SLC20A2: variants seen among roughly 807,000 people sequenced by gnomAD.
The protein encoded by SLC20A2 is solute carrier family 20 member 2.
In SLC20A2, 30 loss-of-function variants were observed where a neutral mutation model predicts 61.0. The ratio of observed to expected loss-of-function variants is 0.49; its 90% CI spans 0.37 to 0.67. The LOEUF is 0.67. Ranked by LOEUF, SLC20A2 falls within the 30% of genes least tolerant of loss-of-function variation. The pLI is 0.00. For synonymous variants in SLC20A2, 351 were observed against 353.3 expected, an observed-to-expected ratio of 0.99 and a Z score of 0.07; for missense variants, 626 against 866.4, an observed-to-expected ratio of 0.72 and a Z score of 3.48.
intron 10 of SLC20A2, among the ~76,000 whole-genome samples, chr8:42,419,407 TAAAAATAAA>T (rs1223304052): frequency 6.6e-6 from 1 of 151,860 alleles, no homozygotes; most frequent in Non-Finnish European, 1.5e-5. Context: ...CTGTCTCTAC[TAAAAATAAA>T]AAAAATTAGC....
intron 1 of SLC20A2, among the ~76,000 whole-genome samples, chr8:42,477,903 T>C (rs1361433213): frequency 6.6e-6 from 1 of 151,926 alleles, no homozygotes; most frequent in East Asian, 1.9e-4. Context: ...CTTTTTTTTT[T>C]TGAGACGGAG....
chr8:42,479,306 G>A (rs1808387098), intron 1 of SLC20A2, among the ~76,000 whole-genome samples: 1 of 152,140 alleles, frequency 6.6e-6, no homozygotes, highest in Non-Finnish European at 1.5e-5. Context: ...GCACTTCATA[G>A]ACCAAGAGCT....
intron 1 of SLC20A2, among the ~76,000 whole-genome samples, chr8:42,537,307 C>T (rs1335885814): frequency 4.2e-5 from 6 of 143,060 alleles, no homozygotes; most frequent in Admixed American, 7.4e-5. Flanking sequence ...TTGCTTGAGG[C>T]AGAGGCTGCA....
intron 1 of SLC20A2, among the ~76,000 whole-genome samples, chr8:42,476,077 A>C (rs1049430085): frequency 2.8e-4 from 30 of 108,582 alleles, no homozygotes; most frequent in African/African-American, 1.0e-3. Flanking sequence ...AGCCGGGTTT[A>C]CTGTGTCTTT....
At chr8:42,468,380 C>T (rs866026598) in intron 2 of SLC20A2, among the ~76,000 whole-genome samples, 1 of 151,746 alleles carries the variant, frequency 6.6e-6, no homozygotes, top group Non-Finnish European at 1.5e-5. Context: ...AATGGGACCA[C>T]CTGAGAGAGG....
chr8:42,432,387 G>C (rs1803935951), intron 8 of SLC20A2, among the ~76,000 whole-genome samples: 4 of 152,196 alleles, frequency 2.6e-5, no homozygotes. Context: ...AGATGAGGAG[G>C]TGCTTCTTAT....
chr8:42,440,008 C>G (rs1342226021), intron 6 of SLC20A2, among the ~76,000 whole-genome samples: 3 of 151,848 alleles, frequency 2.0e-5, no homozygotes, highest in South Asian at 4.1e-4. Flanking sequence ...TCTCTTAAAC[C>G]CAGGAGGCAG....
At chr8:42,491,140 C>CT (rs1809478651) in intron 1 of SLC20A2, among the ~76,000 whole-genome samples, 1 of 152,238 alleles carries the variant, frequency 6.6e-6, no homozygotes. Context: ...TGGCTCACGC[C>CT]TGTAATCCCA....
At chr8:42,479,527 T>G (rs531311683) in intron 1 of SLC20A2, among the ~76,000 whole-genome samples, 2 of 152,194 alleles carry the variant, frequency 1.3e-5, no homozygotes, top group Middle Eastern at 6.8e-3. Flanking sequence ...GTTATCTTCT[T>G]ATTGAAATGG....
chr8:42,449,398 A>G (rs1393110386), intron 5 of SLC20A2, among the ~76,000 whole-genome samples: 2 of 152,252 alleles, frequency 1.3e-5, no homozygotes, highest in African/African-American at 4.8e-5. Flanking sequence ...TTACAATTCT[A>G]TTCCAAATTC....
intron 1 of SLC20A2, among the ~76,000 whole-genome samples, chr8:42,519,736 T>C (rs16891354): frequency 0.15 from 22,571 of 152,220 alleles, 1,887 homozygotes; most frequent in South Asian, 0.23. Flanking sequence ...CTGGAATGTC[T>C]TTATGTTGGC....
At chr8:42,517,384 A>G (rs1007326357) in intron 1 of SLC20A2, among the ~76,000 whole-genome samples, 1 of 147,300 alleles carries the variant, frequency 6.8e-6, no homozygotes, top group Admixed American at 6.8e-5. Context: ...AAAAAAAACA[A>G]TAATAAAATA....
chr8:42,437,398 C>A lies in SLC20A2; in HGVS notation c.1114G>T (p.Ala372Ser). ...AGCAGCCGGTAGTTGCTTTCCTGGG[C>A]TGGCTTCTCCTCGGGGCCCCTGTCG... Reference protein sequence around the residue: ...HIDRGPEEKPAQESNYRLLRR... With the variant: ...HIDRGPEEKPSQESNYRLLRR... The change falls in exon 8 of 11, where the codon GCC (alanine) becomes TCC (serine). Residue 372 changes from alanine (A) to serine (S), a missense_variant. Ala to Ser is a moderately conservative substitution (Grantham distance 99, BLOSUM62 1). Coordinates refer to ENST00000520262, the MANE Select transcript of SLC20A2 (RefSeq NM_001257180.2). This position sits in a 1 kb window ranked among gnomAD's most constrained non-coding sequence, Gnocchi z 6.4. The A allele has an allele frequency of 6.2e-7, 1 of 1,614,170 alleles. No homozygotes were observed. The highest frequency in any genetic ancestry group is 8.5e-7 in the Non-Finnish European group (1 of 1,180,024).
chr8:42,431,221 T>C (rs1188522234), intron 8 of SLC20A2, among the ~76,000 whole-genome samples: 1 of 152,186 alleles, frequency 6.6e-6, no homozygotes, highest in East Asian at 1.9e-4. Flanking sequence ...TTGAAGGAAA[T>C]TTAAAGTGCT....
intron 8 of SLC20A2, among the ~76,000 whole-genome samples, chr8:42,436,693 A>G (rs371141068): frequency 2.0e-5 from 3 of 152,042 alleles, no homozygotes; most frequent in African/African-American, 7.2e-5. Flanking sequence ...CGTCCTGCTG[A>G]CGCCACGTGG....
At chr8:42,477,464 CTTTTTTTTTTT>C (rs56302974) in intron 1 of SLC20A2, among the ~76,000 whole-genome samples, 2 of 50,286 alleles carry the variant, frequency 4.0e-5, no homozygotes, top group Non-Finnish European at 7.4e-5. Context: ...GGGACAGGGA[CTTTTTTTTTTT>C]TTTTTTTTTT....
At position 42,534,681 on chromosome 8, in the gene SLC20A2, T is replaced by C. The variant is rs201275807; in HGVS notation, c.-265+7140A>G. On this transcript the variant is annotated intron_variant, in intron 1 of 10. Coordinates refer to the SLC20A2 transcript ENST00000342228. Reference sequence around the variant, plus strand: ...GTGCCAAAAATTATTTTTAAAAACGTAGGCATATACAGAGGCTGGGAGTAG... The same window carrying C: ...GTGCCAAAAATTATTTTTAAAAACGCAGGCATATACAGAGGCTGGGAGTAG... 2.6e-5 allele frequency: 4 copies of C among 152,318 alleles called. No homozygotes were observed. The East Asian group carries it at 5.8e-4, about 22-fold the overall frequency. The allele number at this position is 152,318 out of a possible 1,614,324, so 9.4% of individuals were successfully genotyped here. A position where few individuals can be genotyped will look rare whatever the true frequency, so the allele number is the denominator to read the frequency against.
At chr8:42,488,574 G>C (rs1809238873) in intron 1 of SLC20A2, among the ~76,000 whole-genome samples, 2 of 152,136 alleles carry the variant, frequency 1.3e-5, no homozygotes, top group Non-Finnish European at 2.9e-5. Flanking sequence ...AAGTGGAATT[G>C]CTGGATGTGG....
At chr8:42,470,973 C>CAAA (rs200440771) in intron 2 of SLC20A2, 80 of 240,012 alleles carry the variant, frequency 3.3e-4, no homozygotes, top group Middle Eastern at 1.5e-3. Flanking sequence ...GACTCTGTCT[C>CAAA]AAAAAAAAAA....
Sources: allele counts gnomAD v4.1 joint callset (sites outside exome capture counted in the v4.1 genomes callset), GRCh38; gene constraint gnomAD v4.1.1; non-coding constraint Gnocchi (gnomAD v3.1); transcripts MANE v1.5; gene names NCBI Gene and HGNC (gene_info 2026-07-23, HGNC 2026-07-21).